Variants in TRPM3 observed in about 807,000 individuals in gnomAD.
TRPM3 encodes the protein transient receptor potential cation channel subfamily M member 3.
A neutral mutation model predicts 181.2 loss-of-function variants in TRPM3; 77 were observed. The observed-to-expected ratio is 0.42, with a 90% CI of 0.35 to 0.51. The LOEUF is 0.51. Ranked by LOEUF, TRPM3 falls within the 20% of genes least tolerant of loss-of-function variation. The pLI, the probability that TRPM3 is intolerant of heterozygous loss-of-function variation, is 0.01. For synonymous variants in TRPM3, 745 were observed against 796.4 expected (o/e 0.94, Z 1.09); for missense variants, 1,759 against 2,196.7 (o/e 0.80, Z 3.98).
At chr9:70,908,792 G>A (rs925732661) in intron 1 of TRPM3, among the ~76,000 whole-genome samples, 1 of 152,102 alleles carries the variant, frequency 6.6e-6, no homozygotes, top group African/African-American at 2.4e-5. Flanking sequence ...ATAGACCAAT[G>A]GAACAGAATA....
At chr9:70,949,181 T>C (rs916274768) in intron 1 of TRPM3, among the ~76,000 whole-genome samples, 8 of 151,294 alleles carry the variant, frequency 5.3e-5, no homozygotes, top group African/African-American at 1.5e-4. Flanking sequence ...ACTAATGAAA[T>C]GGTATAGGGT....
chr9:70,793,491 T>TAA lies in TRPM3; in HGVS notation c.974-9214_974-9213dup, dbSNP rs1554710191. ...AAAAATATATATATATATATATATATAAAACACATATGTATATGTATGCAT... is the reference window on the plus strand; with the variant it reads ...AAAAATATATATATATATATATATATAAAAAACACATATGTATATGTATGCAT... On this transcript the variant is annotated intron_variant, in intron 6 of 25. Transcript: ENST00000677713. 965 of 142,750 alleles carry TAA rather than the reference T, an allele frequency of 6.8e-3. 12 individuals are homozygous for TAA. Among genetic ancestry groups the TAA allele is most frequent in the South Asian group, 0.016 (91 of 5,554 alleles). 8.8% of individuals were successfully genotyped at this position (142,750 alleles called of 1,614,324 possible).
intron 5 of TRPM3, among the ~76,000 whole-genome samples, chr9:70,838,429 C>G (rs2094449843): frequency 1.3e-5 from 2 of 152,138 alleles, no homozygotes. Context: ...TGTGAAGACA[C>G]AGCAGGAAGG....
At position 70,892,288 on chromosome 9, in the gene TRPM3, GAA is replaced by G. The variant is rs1039054098; in HGVS notation, c.178-27779_178-27778del. Among the ~76,000 whole-genome samples, 195 of 152,014 alleles carry G rather than the reference GAA, an allele frequency of 1.3e-3. 1 individual carries two copies. The highest frequency in any genetic ancestry group is 1.6e-3 in the Non-Finnish European group (108 of 67,974). On this transcript the variant is annotated intron_variant, in intron 1 of 25. Transcript: ENST00000677713. The stretch of plus-strand genomic sequence containing the variant: ...ATGAGTTAATATGTAATATCATTCA[GAA>G]AAAGAGGCCTTTATGAGAGTCTGAA...
intron 1 of TRPM3, among the ~76,000 whole-genome samples, chr9:71,340,208 GA>G (rs1249895283): frequency 6.6e-6 from 1 of 152,176 alleles, no homozygotes; most frequent in East Asian, 1.9e-4. Context: ...GCCAGAGAAA[GA>G]AGTTACAAAT....
intron 9 of TRPM3, among the ~76,000 whole-genome samples, chr9:70,652,921 C>T (rs1451537659): frequency 6.6e-6 from 1 of 152,100 alleles, no homozygotes; most frequent in Admixed American, 6.6e-5. Context: ...ATTTAGAGTA[C>T]CTCTCAGAGT....
At chr9:71,432,404 T>C (rs1434506813) in intron 1 of TRPM3, among the ~76,000 whole-genome samples, 1 of 150,878 alleles carries the variant, frequency 6.6e-6, no homozygotes, top group African/African-American at 2.4e-5. Context: ...TTGGGATGTT[T>C]GGTCTTAATA....
At chr9:71,308,098 G>A (rs1425917601) in intron 1 of TRPM3, among the ~76,000 whole-genome samples, 1 of 151,230 alleles carries the variant, frequency 6.6e-6, no homozygotes, top group Non-Finnish European at 1.5e-5. Flanking sequence ...AGCCTCCCAA[G>A]CAGCTGGGAT....
intron 24 of TRPM3, among the ~76,000 whole-genome samples, chr9:70,552,136 G>A (rs1049820742): frequency 3.0e-4 from 45 of 152,276 alleles, no homozygotes; most frequent in African/African-American, 1.0e-3. Flanking sequence ...GCTGGTATGG[G>A]ATTGGATTCC....
At chr9:71,387,781 T>G (rs569583770) in intron 1 of TRPM3, among the ~76,000 whole-genome samples, 1 of 152,126 alleles carries the variant, frequency 6.6e-6, no homozygotes, top group Non-Finnish European at 1.5e-5. Flanking sequence ...TATTAAAAAT[T>G]TTAAACCAAA....
chr9:71,239,051 T>C (rs1468871666), intron 1 of TRPM3, among the ~76,000 whole-genome samples: 1 of 152,042 alleles, frequency 6.6e-6, no homozygotes, highest in African/African-American at 2.4e-5. Context: ...TCACCTTCCC[T>C]ACCTCCTTCC....
intron 1 of TRPM3, among the ~76,000 whole-genome samples, chr9:71,183,643 T>C (rs2077522851): frequency 6.6e-6 from 1 of 152,168 alleles, no homozygotes; most frequent in Non-Finnish European, 1.5e-5. Flanking sequence ...AGGCTACTTT[T>C]ATATCTAAAT....
chr9:71,440,546 C>G (rs184473949), intron 1 of TRPM3, among the ~76,000 whole-genome samples: 220 of 152,300 alleles, frequency 1.4e-3, no homozygotes, highest in Non-Finnish European at 2.6e-3. Flanking sequence ...AGCTTTTTCT[C>G]CAAATCTCCC....
intron 1 of TRPM3, among the ~76,000 whole-genome samples, chr9:71,036,457 G>A (rs2058217906): frequency 6.6e-6 from 1 of 152,106 alleles, no homozygotes; most frequent in Admixed American, 6.6e-5. Flanking sequence ...ACTTATTTAT[G>A]GATATATTAT....
At chr9:70,871,296 C>A (rs1293542030) in intron 1 of TRPM3, among the ~76,000 whole-genome samples, 1 of 151,900 alleles carries the variant, frequency 6.6e-6, no homozygotes, top group Non-Finnish European at 1.5e-5. Flanking sequence ...TTTTCAACTT[C>A]CTTCTTCACT....
intron 1 of TRPM3, among the ~76,000 whole-genome samples, chr9:70,958,368 C>A (rs2133790022): frequency 6.6e-6 from 1 of 152,278 alleles, no homozygotes; most frequent in East Asian, 1.9e-4. Context: ...CTTATTATAA[C>A]ATATAGCAAC....
At chr9:70,621,376 T>C in intron 14 of TRPM3, 103 bp from the exon 15 acceptor site, 1 of 832,330 alleles carries the variant, frequency 1.2e-6, no homozygotes, top group South Asian at 2.1e-5. Context: ...TTTGTTTTGT[T>C]TTTATTGAGA....
chr9:70,652,347 C>T (rs1242949101), intron 9 of TRPM3, among the ~76,000 whole-genome samples: 2 of 151,834 alleles, frequency 1.3e-5, no homozygotes, highest in Non-Finnish European at 2.9e-5. Flanking sequence ...AAAGGGTGAG[C>T]AGGGAGGGAA....
chr9:71,209,818 T>A (rs1457164490), intron 1 of TRPM3, among the ~76,000 whole-genome samples: 1 of 152,224 alleles, frequency 6.6e-6, no homozygotes, highest in East Asian at 1.9e-4. Flanking sequence ...AAAGTTTTAT[T>A]GGAATACAGC....
Sources: allele counts gnomAD v4.1 joint callset (sites outside exome capture counted in the v4.1 genomes callset), GRCh38; gene constraint gnomAD v4.1.1; transcripts MANE v1.5; gene names NCBI Gene and HGNC (gene_info 2026-07-23, HGNC 2026-07-21).